VPS8: variants seen among roughly 807,000 people sequenced by gnomAD.
VPS8 encodes VPS8 subunit of CORVET complex.
A neutral mutation model predicts 216.4 loss-of-function variants in VPS8; 129 were observed. The ratio of observed to expected loss-of-function variants is 0.60; its 90% confidence interval spans 0.52 to 0.69. VPS8 has a LOEUF of 0.69. VPS8 is among the 30% of genes least tolerant of loss of function. VPS8 has a pLI of 0.00. For synonymous variants in VPS8, 571 were observed against 565.4 expected (o/e 1.01, Z -0.14); for missense variants, 1,531 against 1,683.5 (o/e 0.91, Z 1.59).
intron 46 of VPS8, among the ~76,000 whole-genome samples, chr3:185,026,312 T>C (rs1232362129): frequency 1.3e-5 from 2 of 151,998 alleles, no homozygotes; most frequent in African/African-American, 4.8e-5. Flanking sequence ...TATATGCAAA[T>C]ACCATGCATT....
intron 3 of VPS8, among the ~76,000 whole-genome samples, chr3:184,827,731 G>T (rs552849158): frequency 6.6e-6 from 1 of 152,350 alleles, no homozygotes; most frequent in African/African-American, 2.4e-5. Flanking sequence ...ATAGTCATTA[G>T]TGGTTTACTA....
At chr3:184,860,841 A>G (rs1052055478) in intron 15 of VPS8, among the ~76,000 whole-genome samples, 4 of 127,512 alleles carry the variant, frequency 3.1e-5, no homozygotes, top group Non-Finnish European at 6.5e-5. Context: ...TTTTTTTTTG[A>G]GATGGAGTCT....
chr3:184,957,519 C>G lies in VPS8; in HGVS notation c.3181C>G (p.Gln1061Glu). The G allele has an allele frequency of 6.2e-7, 1 of 1,608,072 alleles. No homozygotes were observed. The highest frequency in any genetic ancestry group is 2.2e-5 in the East Asian group (1 of 44,730). ...GTGCTACCGTCTGGAAGAAACTATT[C>G]AGGTGAGACGAACAATGTAAAAGAG... ...LECYRLEETIQITQKYQLHEV... is the reference protein window; with the variant it reads ...LECYRLEETIEITQKYQLHEV... Residue 1061 changes from glutamine (Q) to glutamate (E), a missense_variant and splice_region_variant, in exon 37 of 48, where the codon CAG becomes GAG. Physicochemically the swap from Gln to Glu is conservative, Grantham distance 29. Coordinates refer to ENST00000625842, the MANE Select transcript of VPS8 (RefSeq NM_001009921.3).
chr3:184,884,141 T>C (rs954205317), intron 21 of VPS8, among the ~76,000 whole-genome samples: 2 of 152,136 alleles, frequency 1.3e-5, no homozygotes, highest in East Asian at 3.9e-4. Context: ...GTTACATATG[T>C]ATACATGTGC....
chr3:184,986,649 T>G (rs1201108443), intron 42 of VPS8, among the ~76,000 whole-genome samples: 2 of 152,170 alleles, frequency 1.3e-5, no homozygotes, highest in Admixed American at 1.3e-4. Context: ...GATTGGATGC[T>G]TCAGGTTTTC....
At chr3:184,851,969 G>GTGC (rs1560385397) in intron 10 of VPS8, among the ~76,000 whole-genome samples, 2 of 152,190 alleles carry the variant, frequency 1.3e-5, no homozygotes, top group African/African-American at 4.8e-5. Context: ...ATATGCTGTG[G>GTGC]AAGAAGATCA....
intron 46 of VPS8, among the ~76,000 whole-genome samples, chr3:185,034,427 C>A (rs149770811): frequency 6.6e-4 from 101 of 152,178 alleles, no homozygotes; most frequent in African/African-American, 2.3e-3. Context: ...TTATTGGCCA[C>A]TTTTATGTCT....
intron 31 of VPS8, among the ~76,000 whole-genome samples, chr3:184,927,739 G>A (rs1165508023): frequency 6.6e-6 from 1 of 152,014 alleles, no homozygotes; most frequent in African/African-American, 2.4e-5. Flanking sequence ...CCCACTCCCT[G>A]TTTTCTCCTC....
chr3:184,911,739 C>G (rs1018532188), intron 25 of VPS8, among the ~76,000 whole-genome samples: 1 of 152,162 alleles, frequency 6.6e-6, no homozygotes, highest in East Asian at 1.9e-4. Flanking sequence ...GAAAGCTGGA[C>G]GAGCTCCATC....
intron 16 of VPS8, 38 bp from the exon 17 acceptor site, chr3:184,866,838 A>AT (rs770528795): frequency 8.0e-5 from 126 of 1,580,604 alleles, no homozygotes; most frequent in Non-Finnish European, 1.0e-4. Flanking sequence ...ATACAAAGGA[A>AT]TTTTTTTACC....
At chr3:185,000,612 C>CT (rs11425416) in intron 45 of VPS8, among the ~76,000 whole-genome samples, 139,072 of 141,110 alleles carry the variant, frequency 0.99, 68,551 homozygotes, top group Middle Eastern at 1. Flanking sequence ...CTTTTCGTTT[C>CT]TTTTTTTTTT....
Position 184,928,431 on chromosome 3 carries a change from C to G in VPS8, c.2632-20C>G. On this transcript the variant is annotated intron_variant, in intron 31 of 47. Transcript: ENST00000625842. ...TAGTAAATTCTCAAGTGTTTTTACT[C>G]ATTTATTGTAAATACTCAGGTCCTT... is the stretch of plus-strand genomic sequence containing the variant. 5 of 1,528,720 alleles carry G rather than the reference C, an allele frequency of 3.3e-6. No individual in the cohort carries two copies. The highest frequency in any genetic ancestry group is 4.4e-6 in the Non-Finnish European group (5 of 1,149,216). The allele number at this position is 1,528,720 out of a possible 1,614,324, so 94.7% of individuals were successfully genotyped here.
At chr3:185,021,082 C>CA in intron 45 of VPS8, among the ~76,000 whole-genome samples, 1 of 152,006 alleles carries the variant, frequency 6.6e-6, no homozygotes, top group Non-Finnish European at 1.5e-5. Context: ...CAAAAAAAAC[C>CA]AAAAAACAAG....
chr3:184,986,084 G>T (rs1204064626), intron 42 of VPS8, among the ~76,000 whole-genome samples: 2 of 152,110 alleles, frequency 1.3e-5, no homozygotes, highest in African/African-American at 4.8e-5. Context: ...GGTATTTATG[G>T]CTATATATGA....
intron 25 of VPS8, among the ~76,000 whole-genome samples, chr3:184,902,367 T>C (rs767548004): frequency 1.3e-5 from 2 of 151,524 alleles, no homozygotes; most frequent in Non-Finnish European, 2.9e-5. Flanking sequence ...TCCCAGCTAC[T>C]CAGGAGGCTG....
intron 36 of VPS8, among the ~76,000 whole-genome samples, chr3:184,946,316 A>C (rs1039300289): frequency 9.9e-5 from 15 of 152,222 alleles, no homozygotes; most frequent in Non-Finnish European, 1.9e-4. Context: ...GACTGTTATC[A>C]TCCTTGCTTC....
At chr3:184,991,660 T>C (rs1378620311) in intron 42 of VPS8, among the ~76,000 whole-genome samples, 1 of 152,164 alleles carries the variant, frequency 6.6e-6, no homozygotes, top group African/African-American at 2.4e-5. Context: ...AATAGATTTT[T>C]CTAATAAGAT....
At chr3:185,021,381 T>G (rs1756638339) in intron 45 of VPS8, among the ~76,000 whole-genome samples, 1 of 152,220 alleles carries the variant, frequency 6.6e-6, no homozygotes, top group Non-Finnish European at 1.5e-5. Flanking sequence ...ATATTCTGAC[T>G]TAATCTCTAG....
chr3:184,906,987 C>T (rs747666863), intron 25 of VPS8, among the ~76,000 whole-genome samples: 4 of 152,188 alleles, frequency 2.6e-5, no homozygotes, highest in African/African-American at 4.8e-5. Context: ...TAGGCCAGGT[C>T]TCAGTCTGTT....
Sources: gnomAD v4.1 joint callset for allele counts (sites outside exome capture counted in the v4.1 genomes callset) on GRCh38, gnomAD v4.1.1 for gene constraint, MANE v1.5 for transcripts, NCBI Gene and HGNC (gene_info 2026-07-23, HGNC 2026-07-21) for gene names.